RTKN2: variants seen among roughly 807,000 people sequenced by gnomAD.
The protein encoded by RTKN2 is rhotekin 2, also known as rhotekin-2.
RTKN2 carries 69 observed loss-of-function variants against 71.5 expected under a neutral mutation model. The ratio of observed to expected loss-of-function variants is 0.96; its 90% CI spans 0.79 to 1.18. The LOEUF is 1.18. Among genes scored for constraint, RTKN2 ranks in the 50% most tolerant of loss-of-function variants. RTKN2 has a pLI of 0.00. For synonymous variants in RTKN2, 236 were observed against 236.5 expected (o/e 1.00, Z 0.02); for missense variants, 724 against 719.7 (o/e 1.01, Z -0.07).
chr10:62,205,054 A>T (rs200860136), intron 9 of RTKN2, 32 bp from the exon 10 acceptor site: 2 of 1,544,726 alleles, frequency 1.3e-6, no homozygotes, highest in African/African-American at 1.4e-5. Flanking sequence ...GGGGTTTTGC[A>T]TGAGAAAATT....
chr10:62,209,842 C>A (rs149054572), intron 9 of RTKN2, among the ~76,000 whole-genome samples: 1 of 152,312 alleles, frequency 6.6e-6, no homozygotes, highest in Non-Finnish European at 1.5e-5. Context: ...ATGTGTACCA[C>A]ATTTTCTTGA....
At chr10:62,219,732 T>G (rs1238091050) in intron 7 of RTKN2, among the ~76,000 whole-genome samples, 1 of 152,086 alleles carries the variant, frequency 6.6e-6, no homozygotes, top group South Asian at 2.1e-4. Context: ...GAGGAGTGCT[T>G]GCACCCAGGA....
intron 3 of RTKN2, among the ~76,000 whole-genome samples, chr10:62,244,225 C>T (rs1284111851): frequency 6.6e-6 from 1 of 152,014 alleles, no homozygotes; most frequent in East Asian, 1.9e-4. Flanking sequence ...TTTGTTTTTA[C>T]AAACACATAC....
Position 62,268,637 on chromosome 10 carries a change from G to C in RTKN2, c.-27C>G. ...TCCAACGCGAACTGTCCGGGCCGTC[G>C]CCACTCCTTCAAAGGGAAGATTTGA... On this transcript the variant is annotated 5_prime_UTR_variant, in exon 1 of 12. Coordinates refer to ENST00000373789, the MANE Select transcript of RTKN2 (RefSeq NM_145307.4). The C allele has an allele frequency of 6.5e-7, 1 of 1,548,828 alleles. No homozygotes were observed.
rs1057319956 is a variant in RTKN2 at position 62,196,919 on chromosome 10, T to G, written c.*989A>C. On this transcript the variant is annotated 3_prime_UTR_variant, in exon 12 of 12. Coordinates refer to ENST00000373789, the MANE Select transcript of RTKN2 (RefSeq NM_145307.4). ...TAGTTGCTATGGAAATTACCTCCTA[T>G]GGAAATGATTCCAATGTCACTGTTG... 1.2e-5 allele frequency: 12 copies of G among 983,692 alleles called. No individual in the cohort carries two copies. The African/African-American group carries it at 1.9e-4, about 16-fold the overall frequency. 60.9% of individuals were successfully genotyped at this position (983,692 alleles called of 1,614,324 possible).
intron 3 of RTKN2, among the ~76,000 whole-genome samples, chr10:62,242,175 C>T (rs1842389796): frequency 6.6e-6 from 1 of 152,014 alleles, no homozygotes; most frequent in African/African-American, 2.4e-5. Context: ...ACTATTGTAC[C>T]TTTATAATAT....
chr10:62,210,458 T>C (rs1401916616), intron 9 of RTKN2, among the ~76,000 whole-genome samples: 2 of 152,110 alleles, frequency 1.3e-5, no homozygotes, highest in Non-Finnish European at 2.9e-5. Flanking sequence ...AAAAATAAAA[T>C]ACAAACACAA....
At chr10:62,192,496 C>T (rs1406578408), downstream of RTKN2, among the ~76,000 whole-genome samples, 1 of 152,176 alleles carries the variant, frequency 6.6e-6, no homozygotes, top group Non-Finnish European at 1.5e-5. Context: ...CATTACATTG[C>T]ATGCAAAAGT....
chr10:62,242,564 T>A (rs1429488146), intron 3 of RTKN2, among the ~76,000 whole-genome samples: 1 of 152,160 alleles, frequency 6.6e-6, no homozygotes, highest in East Asian at 1.9e-4. Flanking sequence ...AATTCTTTAT[T>A]CATTCAAATA....
chr10:62,215,502 T>C (rs1003800447), intron 9 of RTKN2, among the ~76,000 whole-genome samples: 3 of 152,054 alleles, frequency 2.0e-5, no homozygotes, highest in East Asian at 1.9e-4. Context: ...TGGGGACAAT[T>C]AGAGCAATTT....
chr10:62,234,279 C>T (rs1025643258), intron 6 of RTKN2, among the ~76,000 whole-genome samples: 2 of 152,096 alleles, frequency 1.3e-5, no homozygotes, highest in East Asian at 1.9e-4. Context: ...AATCCCAGCA[C>T]TTTGGGAAGC....
chr10:62,190,871 C>T (rs1257268996), downstream of RTKN2, among the ~76,000 whole-genome samples: 1 of 152,120 alleles, frequency 6.6e-6, no homozygotes, highest in Non-Finnish European at 1.5e-5. Context: ...GCCACATTTG[C>T]TTCAATCATG....
intron 1 of RTKN2, among the ~76,000 whole-genome samples, chr10:62,265,755 G>T (rs1343667615): frequency 1.3e-5 from 2 of 152,114 alleles, no homozygotes; most frequent in Non-Finnish European, 2.9e-5. Flanking sequence ...GTTACTAAGG[G>T]TATACAATGC....
At chr10:62,205,272 T>C (rs1023256349) in intron 9 of RTKN2, among the ~76,000 whole-genome samples, 2 of 152,188 alleles carry the variant, frequency 1.3e-5, no homozygotes, top group South Asian at 2.1e-4. Context: ...GCACTTATGC[T>C]AAATTACATG....
chr10:62,268,684 C>A lies in RTKN2; in HGVS notation c.-74G>T. 1 of 1,451,286 alleles carries A rather than the reference C, an allele frequency of 6.9e-7. No homozygotes were observed. Among genetic ancestry groups the A allele is most frequent in the Non-Finnish European group, 9.4e-7 (1 of 1,066,092 alleles). The allele number at this position is 1,451,286 out of a possible 1,614,324, so 89.9% of individuals were successfully genotyped here. A position where few individuals can be genotyped will look rare whatever the true frequency, so the allele number is the denominator to read the frequency against. On this transcript the variant is annotated 5_prime_UTR_variant, in exon 1 of 12. Transcript: ENST00000373789. Reference sequence around the variant, plus strand: ...TTGAAAAGCCCGCCCCTGGCAGGAGCCGCAGAGGACGCCAACCGCCCGGCC... The same window carrying A: ...TTGAAAAGCCCGCCCCTGGCAGGAGACGCAGAGGACGCCAACCGCCCGGCC...
chr10:62,250,242 G>A (rs74156143), intron 2 of RTKN2, among the ~76,000 whole-genome samples: 17,873 of 152,152 alleles, frequency 0.12, 1,096 homozygotes, highest in African/African-American at 0.14. Context: ...TCCAGGAGAG[G>A]TAAAAGAAAG....
chr10:62,216,048 T>G (rs541631751), intron 9 of RTKN2, among the ~76,000 whole-genome samples: 1 of 151,996 alleles, frequency 6.6e-6, no homozygotes, highest in Non-Finnish European at 1.5e-5. Flanking sequence ...ACTAAAAGAC[T>G]TTCTGTAAGT....
intron 2 of RTKN2, among the ~76,000 whole-genome samples, chr10:62,254,781 TA>T (rs1333376409): frequency 1.3e-5 from 2 of 151,472 alleles, no homozygotes; most frequent in Non-Finnish European, 2.9e-5. Context: ...TTCTACAAAA[TA>T]AAAAAATAAG....
intron 6 of RTKN2, among the ~76,000 whole-genome samples, chr10:62,233,900 A>G (rs1842202603): frequency 6.6e-6 from 1 of 152,222 alleles, no homozygotes; most frequent in Middle Eastern, 3.2e-3. Context: ...TGAAGAGCCA[A>G]CTCGACGAAA....
Sources: allele counts gnomAD v4.1 joint callset (sites outside exome capture counted in the v4.1 genomes callset), GRCh38; gene constraint gnomAD v4.1.1; transcripts MANE v1.5; gene names NCBI Gene and HGNC (gene_info 2026-07-23, HGNC 2026-07-21).